Variants in PHACTR4 observed in about 807,000 individuals in gnomAD.
The protein encoded by PHACTR4 is protein phosphatase 1, regulatory subunit 124.
PHACTR4 carries 51 observed loss-of-function variants against 72.7 expected under a neutral mutation model. That is an observed-to-expected ratio of 0.70 (90% confidence interval 0.56 to 0.89). The LOEUF is 0.89. Ranked by LOEUF, PHACTR4 falls within the 40% of genes least tolerant of loss-of-function variation. The probability of loss-of-function intolerance (pLI) is 0.00; values close to 1 mark genes in which losing one functional copy is unlikely to be tolerated. For synonymous variants in PHACTR4, 255 were observed against 302.5 expected, an observed-to-expected ratio of 0.84 and a Z score of 1.63; for missense variants, 731 against 861.8, an observed-to-expected ratio of 0.85 and a Z score of 1.90.
intron 4 of PHACTR4, among the ~76,000 whole-genome samples, chr1:28,463,472 A>G (rs1658946819): frequency 6.7e-6 from 1 of 150,058 alleles, no homozygotes; most frequent in South Asian, 2.1e-4. Context: ...GTAGAAACTA[A>G]TTAACACTGT....
intron 1 of PHACTR4, among the ~76,000 whole-genome samples, chr1:28,387,862 G>T (rs112246192): frequency 2.6e-5 from 4 of 152,180 alleles, no homozygotes; most frequent in South Asian, 2.1e-4. Context: ...TGGGTAACTG[G>T]GATTACAGGT....
intron 2 of PHACTR4, among the ~76,000 whole-genome samples, chr1:28,441,416 C>A (rs1657022178): frequency 6.6e-6 from 1 of 152,146 alleles, no homozygotes; most frequent in Non-Finnish European, 1.5e-5. Context: ...TAATTGATTC[C>A]CTTGACTTGT....
At chr1:28,487,861 G>T (rs1326468273) in intron 9 of PHACTR4, among the ~76,000 whole-genome samples, 1 of 145,608 alleles carries the variant, frequency 6.9e-6, no homozygotes, top group Non-Finnish European at 1.5e-5. Context: ...TCAGCCTCCC[G>T]AGTAGCTGGG....
intron 2 of PHACTR4, among the ~76,000 whole-genome samples, chr1:28,455,286 C>T (rs945067111): frequency 4.1e-5 from 6 of 147,956 alleles, no homozygotes; most frequent in Admixed American, 2.0e-4. Context: ...GCAACCTCCG[C>T]CTCCCAAGTT....
chr1:28,487,727 G>GTTTTTTTTTTTTT (rs780028378), intron 9 of PHACTR4, among the ~76,000 whole-genome samples: 10 of 63,310 alleles, frequency 1.6e-4, no homozygotes, highest in African/African-American at 3.9e-4. Flanking sequence ...GTTTTTTGTT[G>GTTTTTTTTTTTTT]TTTTTTTTTT....
chr1:28,413,431 T>C (rs907686370), intron 2 of PHACTR4, among the ~76,000 whole-genome samples: 1 of 152,222 alleles, frequency 6.6e-6, no homozygotes, highest in African/African-American at 2.4e-5. Context: ...ACAGCTTTGC[T>C]TCTTTCCTGT....
chr1:28,408,369 G>C (rs530736022), intron 2 of PHACTR4, among the ~76,000 whole-genome samples: 16 of 152,222 alleles, frequency 1.1e-4, no homozygotes, highest in African/African-American at 3.9e-4. Context: ...AGACCAGCCT[G>C]GCTGACATGG....
Position 28,496,302 on chromosome 1 carries a change from C to T in PHACTR4, c.2094-232C>T, listed in dbSNP as rs191082749. On this transcript the variant is annotated intron_variant, in intron 13 of 13. Coordinates refer to ENST00000373839, the MANE Select transcript of PHACTR4 (RefSeq NM_001048183.3). Reference sequence around the variant, plus strand: ...CAATCTCCTGACCTCTTGATCCGCCCGCCTCGGCCTCCCAAAGTGCTGGGA... The same window carrying T: ...CAATCTCCTGACCTCTTGATCCGCCTGCCTCGGCCTCCCAAAGTGCTGGGA... Among the ~76,000 whole-genome samples, 26 of 151,798 alleles carry T rather than the reference C, an allele frequency of 1.7e-4. No individual in the cohort carries two copies. In the East Asian group the frequency reaches 3.1e-3, roughly 18 times the overall value.
intron 1 of PHACTR4, among the ~76,000 whole-genome samples, chr1:28,396,557 C>T (rs566149880): frequency 3.8e-4 from 57 of 151,292 alleles, no homozygotes; most frequent in Admixed American, 2.1e-3. Context: ...AATAAAGATG[C>T]GTGTAGATTA....
At chr1:28,450,288 CT>C (rs774519813) in intron 2 of PHACTR4, among the ~76,000 whole-genome samples, 2,130 of 139,734 alleles carry the variant, frequency 0.015, 16 homozygotes, top group Non-Finnish European at 0.022. Context: ...GGAAAACTAC[CT>C]TTTTTTTTTT....
intron 13 of PHACTR4, among the ~76,000 whole-genome samples, chr1:28,493,619 C>T (rs1340912194): frequency 6.6e-6 from 1 of 151,842 alleles, no homozygotes; most frequent in Non-Finnish European, 1.5e-5. Context: ...AATAAACATG[C>T]AAGATGTGTT....
rs1305820356 is a variant in PHACTR4 at position 28,499,899 on chromosome 1, A to G, written c.*3350A>G. 2 of 152,120 alleles carry G rather than the reference A, an allele frequency of 1.3e-5. No homozygotes were observed. The highest frequency in any genetic ancestry group is 2.4e-5 in the African/African-American group (1 of 41,432). 9.4% of individuals were successfully genotyped at this position (152,120 alleles called of 1,614,324 possible). On this transcript the variant is annotated 3_prime_UTR_variant, in exon 14 of 14. Transcript: ENST00000373839. ...CTCTAACTTGACTTCTAACCATTCT[A>G]TCTTATTGATTTGGAGGCTGTCTTC...
Position 28,465,665 on chromosome 1 carries a change from A to C in PHACTR4, c.272-20A>C. 1 of 1,605,188 alleles carries C rather than the reference A, an allele frequency of 6.2e-7. No homozygotes were observed. Among genetic ancestry groups the C allele is most frequent in the Non-Finnish European group, 8.5e-7 (1 of 1,177,328 alleles). On this transcript the variant is annotated intron_variant, in intron 4 of 13. Transcript: ENST00000373839. ...GTTCATGCCAACTTCATCACTTTGT[A>C]CTCTTCTTTCACCTTGCAGGTGGTG...
intron 2 of PHACTR4, chr1:28,453,628 A>G: frequency 8.0e-7 from 1 of 1,249,468 alleles, no homozygotes; most frequent in Non-Finnish European, 1.1e-6. Flanking sequence ...TGAAACAAAT[A>G]GAGAAGAGAG....
At chr1:28,425,844 C>G (rs1416647017) in intron 2 of PHACTR4, among the ~76,000 whole-genome samples, 1 of 152,202 alleles carries the variant, frequency 6.6e-6, no homozygotes, top group Non-Finnish European at 1.5e-5. Context: ...TAGTCATAGT[C>G]ACATGTTTCA....
intron 13 of PHACTR4, among the ~76,000 whole-genome samples, chr1:28,493,729 A>AT (rs1661175680): frequency 6.6e-6 from 1 of 152,158 alleles, no homozygotes; most frequent in Non-Finnish European, 1.5e-5. Context: ...GGAGAAAGAA[A>AT]TCAATGACTT....
At chr1:28,401,264 A>G (rs1361140015) in intron 1 of PHACTR4, among the ~76,000 whole-genome samples, 2 of 149,778 alleles carry the variant, frequency 1.3e-5, no homozygotes, top group African/African-American at 4.9e-5. Flanking sequence ...TGAGGCTGAG[A>G]TACTTGGCTA....
chr1:28,411,108 G>A (rs1420656487), intron 2 of PHACTR4, among the ~76,000 whole-genome samples: 1 of 150,332 alleles, frequency 6.7e-6, no homozygotes, highest in Non-Finnish European at 1.5e-5. Context: ...GTACAATGGT[G>A]TGATCTCGGC....
intron 2 of PHACTR4, among the ~76,000 whole-genome samples, chr1:28,455,673 C>T (rs2124458001): frequency 6.6e-6 from 1 of 152,264 alleles, no homozygotes; most frequent in South Asian, 2.1e-4. Context: ...TTCTGAAAGT[C>T]CTACCTCCTG....
Sources: gnomAD v4.1 joint callset for allele counts (sites outside exome capture counted in the v4.1 genomes callset) on GRCh38, gnomAD v4.1.1 for gene constraint, MANE v1.5 for transcripts, NCBI Gene and HGNC (gene_info 2026-07-23, HGNC 2026-07-21) for gene names.